Variants in XIAP observed in about 807,000 individuals in gnomAD.
XIAP encodes the protein X-linked inhibitor of apoptosis.
XIAP carries 3 observed loss-of-function variants against 33.1 expected under a neutral mutation model. That is an observed-to-expected ratio of 0.09 (90% CI 0.04 to 0.23). The LOEUF is 0.23. Among genes scored for constraint, XIAP ranks in the 10% least tolerant of loss-of-function variants. The pLI, the probability that XIAP is intolerant of heterozygous loss-of-function variation, is 1.00. For missense variants in XIAP, 264 were observed against 363.0 expected (o/e 0.73, Z 2.22); for synonymous variants, 98 against 121.3 (o/e 0.81, Z 1.26).
chrX:123,888,769 G>A (rs780885538), intron 3 of XIAP, 51 bp downstream of exon 3: 1 of 1,064,311 alleles, frequency 9.4e-7, no homozygotes, highest in Non-Finnish European at 1.3e-6. Context: ...GCATGCAGTG[G>A]GAGACTTGAA....
intron 1 of XIAP, among the ~76,000 whole-genome samples, chrX:123,866,319 C>T (rs1170574680): frequency 2.8e-5 from 3 of 107,675 alleles, no homozygotes; most frequent in Non-Finnish European, 5.7e-5. Flanking sequence ...GTGATCTGCC[C>T]GCCTTGGCCT....
chrX:123,904,191 C>T (rs2053540045), intron 6 of XIAP, among the ~76,000 whole-genome samples: 1 of 111,194 alleles, frequency 9.0e-6, no homozygotes, highest in Non-Finnish European at 1.9e-5. Context: ...CCCGCCTCTG[C>T]CTCCCTGAGA....
At chrX:123,901,556 T>TA (rs775850041) in intron 6 of XIAP, among the ~76,000 whole-genome samples, 71 of 112,093 alleles carry the variant, frequency 6.3e-4, no homozygotes, top group African/African-American at 2.3e-3. Flanking sequence ...CTCCTACTGC[T>TA]AAAAAAACTT....
chrX:123,877,431 AG>A (rs2053256158), intron 1 of XIAP, among the ~76,000 whole-genome samples: 1 of 112,321 alleles, frequency 8.9e-6, no homozygotes, highest in Non-Finnish European at 1.9e-5. Context: ...TATAAGCTAC[AG>A]GATGTACAAA....
rs1474555363 is a variant in XIAP, at chrX:123,860,289, G to A, written c.-37G>A. ...GGGGCAGTTCGGGCCGGCTGTCCTG[G>A]CGCGGTGGGTACAGCTTGTGTAGGC... On this transcript the variant is annotated 5_prime_UTR_variant, in exon 1 of 7. Coordinates refer to ENST00000371199, the MANE Select transcript of XIAP (RefSeq NM_001167.4). The A allele has an allele frequency of 3.0e-6, 1 of 328,402 alleles. No individual in the cohort carries two copies. Among genetic ancestry groups the A allele is most frequent in the Non-Finnish European group, 5.9e-6 (1 of 169,737 alleles). 27.1% of individuals were successfully genotyped at this position (328,402 alleles called of 1,213,427 possible). A position where few individuals can be genotyped will look rare whatever the true frequency, so the allele number is the denominator to read the frequency against.
rs1403950385 is a variant in XIAP, at chrX:123,913,418, C to A, written c.*6237C>A. ...CTGGGAGGCGGAGGTTGCAGGGAGCCAAGATGGCGCCACCGCACTCCAGCC... is the reference window on the plus strand; with the variant it reads ...CTGGGAGGCGGAGGTTGCAGGGAGCAAAGATGGCGCCACCGCACTCCAGCC... On this transcript the variant is annotated 3_prime_UTR_variant, in exon 7 of 7. Coordinates refer to ENST00000371199, the MANE Select transcript of XIAP (RefSeq NM_001167.4). 1 of 327,575 alleles carries A rather than the reference C, an allele frequency of 3.1e-6. No individual in the cohort carries two copies. The highest frequency in any genetic ancestry group is 9.7e-5 in the East Asian group (1 of 10,263). The allele number at this position is 327,575 out of a possible 1,213,427, so 27.0% of individuals were successfully genotyped here.
chrX:123,862,912 G>A (rs1286690342), intron 1 of XIAP, among the ~76,000 whole-genome samples: 2 of 108,548 alleles, frequency 1.8e-5, no homozygotes, highest in East Asian at 5.8e-4. Context: ...ACATGGCGCA[G>A]CCCTCTCTCT....
chrX:123,898,835 C>G (rs2053483599), intron 5 of XIAP, among the ~76,000 whole-genome samples: 1 of 104,346 alleles, frequency 9.6e-6, no homozygotes, highest in Admixed American at 1.1e-4. Flanking sequence ...AATATACATA[C>G]AGTAGCCGGG....
chrX:123,891,005 A>C (rs139385464), intron 3 of XIAP, among the ~76,000 whole-genome samples: 1,147 of 111,498 alleles, frequency 0.01, 14 homozygotes, highest in African/African-American at 0.035. Context: ...AAAGTTCTCA[A>C]GTTGATATTT....
rs1339467410 is a variant in XIAP at position 123,911,294 on chromosome X, A to G, written c.*4113A>G. Reference sequence around the variant, plus strand: ...GGAGGTCGAGACCAGCCTGACCAACATGGAGAAACCCCGTCTCTACTAAAA... The same window carrying G: ...GGAGGTCGAGACCAGCCTGACCAACGTGGAGAAACCCCGTCTCTACTAAAA... On this transcript the variant is annotated 3_prime_UTR_variant, in exon 7 of 7. Coordinates refer to ENST00000371199, the MANE Select transcript of XIAP (RefSeq NM_001167.4). 6 of 302,935 alleles carry G rather than the reference A, an allele frequency of 2.0e-5. No homozygotes were observed. The highest frequency in any genetic ancestry group is 1.1e-3 in the Middle Eastern group (1 of 943). 25.0% of individuals were successfully genotyped at this position (302,935 alleles called of 1,213,427 possible). A position where few individuals can be genotyped will look rare whatever the true frequency, so the allele number is the denominator to read the frequency against.
chrX:123,892,676 A>G, intron 4 of XIAP, 55 bp from the exon 5 acceptor site: 1 of 1,009,732 alleles, frequency 9.9e-7, no homozygotes, highest in Non-Finnish European at 1.4e-6. Context: ...TTCAAATGGA[A>G]ATGATTGCCT....
At chrX:123,890,800 G>A (rs1271737199) in intron 3 of XIAP, among the ~76,000 whole-genome samples, 1 of 109,325 alleles carries the variant, frequency 9.1e-6, no homozygotes, top group Non-Finnish European at 1.9e-5. Flanking sequence ...AATTAGCCGG[G>A]CGTAGTGGTG....
intron 2 of XIAP, among the ~76,000 whole-genome samples, chrX:123,888,000 TAATTAATAAATA>T (rs201298198): frequency 0.21 from 20,209 of 97,768 alleles, 1,459 homozygotes; most frequent in South Asian, 0.4. Flanking sequence ...AAAATAATAA[TAATTAATAAATA>T]AATAAATAAA....
intron 1 of XIAP, among the ~76,000 whole-genome samples, chrX:123,880,439 TA>T (rs35181194): frequency 0.43 from 34,536 of 80,721 alleles, 5,655 homozygotes; most frequent in African/African-American, 0.52. Flanking sequence ...AAAACCCTAA[TA>T]AAAAAAAAAA....
chrX:123,904,851 G>A (rs756483235), intron 6 of XIAP, among the ~76,000 whole-genome samples: 2 of 110,987 alleles, frequency 1.8e-5, no homozygotes, highest in South Asian at 3.8e-4. Flanking sequence ...GGCTAGTCTT[G>A]AACTCCTGAC....
At chrX:123,896,046 G>A (rs1344416553) in intron 5 of XIAP, among the ~76,000 whole-genome samples, 2 of 103,174 alleles carry the variant, frequency 1.9e-5, no homozygotes, top group African/African-American at 7.1e-5. Context: ...ACAGGTGTGA[G>A]CCACCATGCC....
intron 3 of XIAP, among the ~76,000 whole-genome samples, chrX:123,890,956 T>C (rs368016709): frequency 5.5e-4 from 59 of 107,641 alleles, no homozygotes; most frequent in African/African-American, 1.9e-3. Context: ...AAAAAAAAAA[T>C]AACAAAAGTC....
intron 5 of XIAP, among the ~76,000 whole-genome samples, chrX:123,899,144 A>ATATAT (rs1556407659): frequency 6.0e-5 from 3 of 50,184 alleles, no homozygotes; most frequent in Non-Finnish European, 1.1e-4. Context: ...AAAAAAAAAA[A>ATATAT]ATATATATAT....
chrX:123,904,600 A>AGTTTTGTTTTGTTTTATTTT (rs2053543890), intron 6 of XIAP, among the ~76,000 whole-genome samples: 1 of 104,006 alleles, frequency 9.6e-6, no homozygotes, highest in African/African-American at 3.4e-5. Context: ...GTGCTGGTAG[A>AGTTTTGTTTTGTTTTATTTT]GTTTTGTTTT....
Sources: allele counts gnomAD v4.1 joint callset (sites outside exome capture counted in the v4.1 genomes callset), GRCh38; gene constraint gnomAD v4.1.1; transcripts MANE v1.5; gene names NCBI Gene and HGNC (gene_info 2026-07-23, HGNC 2026-07-21).